ABLIM1: variants seen among roughly 807,000 people sequenced by gnomAD.
ABLIM1 encodes actin binding LIM protein 1, also known as actin-binding LIM protein 1.
Under a neutral mutation model 107.0 loss-of-function variants are expected in ABLIM1, and 40 were observed. The observed-to-expected ratio is 0.37, with a 90% CI of 0.29 to 0.49. ABLIM1 has a LOEUF of 0.49. Among genes scored for constraint, ABLIM1 ranks in the 20% least tolerant of loss-of-function variants. The pLI is 0.97. For missense variants in ABLIM1, 857 were observed against 1,008.5 expected, an observed-to-expected ratio of 0.85 and a Z score of 2.04; for synonymous variants, 357 against 357.3, an observed-to-expected ratio of 1.00 and a Z score of 0.01.
intron 1 of ABLIM1, among the ~76,000 whole-genome samples, chr10:114,622,908 T>A (rs1271122531): frequency 2.0e-5 from 3 of 152,208 alleles, no homozygotes; most frequent in Admixed American, 2.0e-4. Flanking sequence ...CCTCAAAGAT[T>A]AAAGAGGGAG....
At chr10:114,565,662 A>G (rs547671118) in intron 4 of ABLIM1, among the ~76,000 whole-genome samples, 20 of 152,290 alleles carry the variant, frequency 1.3e-4, no homozygotes, top group African/African-American at 4.6e-4. Flanking sequence ...TAGAGAGAAC[A>G]TAAAGATAAA....
upstream of ABLIM1, among the ~76,000 whole-genome samples, chr10:114,660,558 G>T (rs931775691): frequency 2.0e-5 from 3 of 151,430 alleles, no homozygotes; most frequent in Non-Finnish European, 4.4e-5. Flanking sequence ...ATTTGTTTAA[G>T]ATGGAGATCC....
chr10:114,718,130 A>AAAAG (rs766961293), intron 1 of ABLIM1, among the ~76,000 whole-genome samples: 1 of 124,310 alleles, frequency 8.0e-6, no homozygotes, highest in Non-Finnish European at 2.0e-5. Context: ...AAAAAGAAAG[A>AAAAG]AAAGAAAGAA....
chr10:114,531,070 C>T (rs1296997999), intron 6 of ABLIM1, among the ~76,000 whole-genome samples: 5 of 152,110 alleles, frequency 3.3e-5, no homozygotes, highest in Non-Finnish European at 1.5e-5. Flanking sequence ...TAAAGTTAAG[C>T]GATTTAAGAA....
At position 114,545,107 on chromosome 10, in the gene ABLIM1, C is replaced by T. The variant is rs542207496; in HGVS notation, c.801-9G>A. 3.7e-6 allele frequency: 6 copies of T among 1,614,026 alleles called. No homozygotes were observed. Among genetic ancestry groups the T allele is most frequent in the African/African-American group, 2.7e-5 (2 of 75,062 alleles). ...AGTACGGAGCACCATCCCTGCAAGA[C>T]AAAAACGTGTTCGGCTCCTGAGGAG... On this transcript the variant is annotated splice_polypyrimidine_tract_variant and intron_variant, in intron 5 of 22. Transcript: ENST00000533213.
chr10:114,779,006 A>T, the ABLIM1 span: 1 of 152,194 alleles, frequency 6.6e-6, no homozygotes, highest in Non-Finnish European at 1.5e-5. Context: ...TTCCAGGAAG[A>T]CTAGGTAATA....
rs577896964 is a variant in ABLIM1, at chr10:114,565,788, C to CTTT, written c.673+5506_673+5508dup. Among the ~76,000 whole-genome samples, 229 of 101,040 alleles carry CTTT rather than the reference C, an allele frequency of 2.3e-3. 24 individuals are homozygous for CTTT. The highest frequency in any genetic ancestry group is 7.0e-3 in the African/African-American group (198 of 28,344). 66.3% of individuals were successfully genotyped at this position (101,040 alleles called of 152,430 possible). A position where few individuals can be genotyped will look rare whatever the true frequency, so the allele number is the denominator to read the frequency against. On this transcript the variant is annotated intron_variant, in intron 4 of 22. Transcript: ENST00000533213. Reference sequence around the variant, plus strand: ...CGCGATGCTTTATCTGAAATGATTTCTTTTTTTTTTTTTTTTTTTTTTTTG... The same window carrying CTTT: ...CGCGATGCTTTATCTGAAATGATTTCTTTTTTTTTTTTTTTTTTTTTTTTTTTG...
chr10:114,565,955 T>C (rs1474373452), intron 4 of ABLIM1, among the ~76,000 whole-genome samples: 2 of 151,818 alleles, frequency 1.3e-5, no homozygotes, highest in East Asian at 3.9e-4. Flanking sequence ...CCACCATGCC[T>C]CGCTAATTTT....
intron 1 of ABLIM1, among the ~76,000 whole-genome samples, chr10:114,692,381 T>C (rs1341243298): frequency 6.6e-6 from 1 of 152,262 alleles, no homozygotes; most frequent in Admixed American, 6.5e-5. Context: ...TCCAAGATTA[T>C]TGCGTCAGCA....
At position 114,657,939 on chromosome 10, in the gene ABLIM1, G is replaced by A; in HGVS notation, c.244+18C>T. The A allele has an allele frequency of 6.3e-7, 1 of 1,591,110 alleles. No homozygotes were observed. The highest frequency in any genetic ancestry group is 8.6e-7 in the Non-Finnish European group (1 of 1,161,544). Reference sequence around the variant, plus strand: ...CACAAAACACAAAACCATGTCCAGAGAGGGTTATTTTACTTACCAAAAGGA... The same window carrying A: ...CACAAAACACAAAACCATGTCCAGAAAGGGTTATTTTACTTACCAAAAGGA... On this transcript the variant is annotated intron_variant, in intron 1 of 22. Coordinates refer to ENST00000533213, the MANE Select transcript of ABLIM1 (RefSeq NM_002313.7).
chr10:114,446,130 A>G (rs2060987336), intron 15 of ABLIM1, among the ~76,000 whole-genome samples: 1 of 152,240 alleles, frequency 6.6e-6, no homozygotes, highest in Admixed American at 6.5e-5. Flanking sequence ...TAGGTAAGAT[A>G]GTCATTGTTT....
At chr10:114,753,276 A>G (rs561060632) in intron 1 of ABLIM1, among the ~76,000 whole-genome samples, 12 of 152,360 alleles carry the variant, frequency 7.9e-5, no homozygotes, top group African/African-American at 2.6e-4. Context: ...AGGGCAAGAC[A>G]GCCACAGAGG....
intron 4 of ABLIM1, among the ~76,000 whole-genome samples, chr10:114,563,325 G>C (rs975968119): frequency 6.6e-6 from 1 of 152,154 alleles, no homozygotes; most frequent in Non-Finnish European, 1.5e-5. Context: ...GACAGAGAAA[G>C]CTTTGATTCA....
At chr10:114,451,550 C>T in intron 14 of ABLIM1, 74 bp downstream of exon 14, 1 of 1,412,560 alleles carries the variant, frequency 7.1e-7, no homozygotes, top group Non-Finnish European at 1.0e-6. Flanking sequence ...CAGGAAAAGC[C>T]TTTCAGAGGA....
intron 1 of ABLIM1, among the ~76,000 whole-genome samples, chr10:114,638,866 C>T (rs796782089): frequency 2.8e-4 from 42 of 152,316 alleles, no homozygotes; most frequent in African/African-American, 8.9e-4. Flanking sequence ...TGGTCTGTGG[C>T]ACTCACCGTT....
At chr10:114,726,403 C>T (rs534435413) in intron 1 of ABLIM1, among the ~76,000 whole-genome samples, 30 of 152,160 alleles carry the variant, frequency 2.0e-4, no homozygotes, top group African/African-American at 6.7e-4. Context: ...TCTGGGGACA[C>T]TTCAGGAAGC....
chr10:114,741,926 A>C (rs1392145645), intron 1 of ABLIM1, among the ~76,000 whole-genome samples: 1 of 152,236 alleles, frequency 6.6e-6, no homozygotes, highest in Non-Finnish European at 1.5e-5. Context: ...TTGGAATGTT[A>C]TGCAGTCATA....
chr10:114,607,153 C>G, intron 1 of ABLIM1, among the ~76,000 whole-genome samples: 1 of 152,224 alleles, frequency 6.6e-6, no homozygotes, highest in African/African-American at 2.4e-5. Flanking sequence ...ATCTCTGCCT[C>G]CTGGGTTCAA....
At chr10:114,697,501 G>A (rs975546794) in intron 1 of ABLIM1, among the ~76,000 whole-genome samples, 4 of 152,248 alleles carry the variant, frequency 2.6e-5, no homozygotes, top group Admixed American at 6.5e-5. Flanking sequence ...CAGTGGCACC[G>A]TAAATGCCAG....
Sources: allele counts gnomAD v4.1 joint callset (sites outside exome capture counted in the v4.1 genomes callset), GRCh38; gene constraint gnomAD v4.1.1; transcripts MANE v1.5; gene names NCBI Gene and HGNC (gene_info 2026-07-23, HGNC 2026-07-21).